The following SKAP2 variants were observed in gnomAD, a reference collection of about 807,000 sequenced individuals.
SKAP2 encodes the protein src kinase associated phosphoprotein 2, also known as src kinase-associated phosphoprotein 2.
SKAP2 carries 28 observed loss-of-function variants against 54.9 expected under a neutral mutation model. That is an observed-to-expected ratio of 0.51 (90% confidence interval 0.38 to 0.70). The LOEUF (loss-of-function observed/expected upper bound fraction) is 0.70. Among genes scored for constraint, SKAP2 ranks in the 30% least tolerant of loss-of-function variants. The pLI, the probability that SKAP2 is intolerant of heterozygous loss-of-function variation, is 0.00. For synonymous variants in SKAP2, 137 were observed against 134.3 expected (o/e 1.02, Z -0.14); for missense variants, 356 against 424.1 (o/e 0.84, Z 1.41).
rs370803269 is a variant in SKAP2 at position 26,725,474 on chromosome 7, T to C, written c.750A>G (p.Leu250=). The change falls in exon 9 of 13, where the codon CTA becomes CTG. Residue 250 remains leucine (L), a synonymous_variant. Transcript: ENST00000345317. ...CATCATCTATTGGTTGACTGCTTGT[T>C]AGTGGATTGCTTATTGGTAGAGGAT... ...VDHPLPISNP[L]TSSQPIDDEI... 6.2e-6 allele frequency: 10 copies of C among 1,612,256 alleles called. No homozygotes were observed. The highest frequency in any genetic ancestry group is 8.5e-6 in the Non-Finnish European group (10 of 1,179,470).
intron 4 of SKAP2, among the ~76,000 whole-genome samples, chr7:26,813,283 A>C (rs539905448): frequency 6.6e-6 from 1 of 152,044 alleles, no homozygotes; most frequent in African/African-American, 2.4e-5. Context: ...TGCTGTGCAA[A>C]CCTCCTTGAT....
intron 4 of SKAP2, among the ~76,000 whole-genome samples, chr7:26,798,215 A>C (rs975316443): frequency 6.6e-6 from 1 of 152,082 alleles, no homozygotes; most frequent in Non-Finnish European, 1.5e-5. Flanking sequence ...CATACAATGA[A>C]GCTCCAATAC....
chr7:26,830,879 T>G (rs1286318141), intron 4 of SKAP2, among the ~76,000 whole-genome samples: 1 of 152,076 alleles, frequency 6.6e-6, no homozygotes, highest in Non-Finnish European at 1.5e-5. Context: ...CTGGGCTTAT[T>G]TATTAACAGG....
chr7:26,660,691 A>G, the SKAP2 span, among the ~76,000 whole-genome samples: 1 of 152,096 alleles, frequency 6.6e-6, no homozygotes, highest in South Asian at 2.1e-4. Flanking sequence ...ATATAAACAC[A>G]TTATAAAAGT....
At chr7:26,804,663 C>T (rs534859369) in intron 4 of SKAP2, among the ~76,000 whole-genome samples, 13 of 150,142 alleles carry the variant, frequency 8.7e-5, no homozygotes, top group Admixed American at 3.3e-4. Flanking sequence ...CACTTGAACC[C>T]GGGAGGCGGA....
intron 11 of SKAP2, 34 bp downstream of exon 11, chr7:26,684,700 CCT>C: frequency 7.5e-7 from 1 of 1,341,824 alleles, no homozygotes; most frequent in African/African-American, 1.4e-5. Context: ...CTTTGTATTC[CCT>C]CTTTACAAAC....
intron 11 of SKAP2, among the ~76,000 whole-genome samples, chr7:26,679,228 A>G (rs560841277): frequency 1.9e-4 from 29 of 152,280 alleles, no homozygotes; most frequent in Non-Finnish European, 2.6e-4. Flanking sequence ...GCCTCCTATA[A>G]GCACCTTTTG....
intron 7 of SKAP2, chr7:26,726,625 C>A (rs915462527): frequency 2.3e-5 from 7 of 300,278 alleles, no homozygotes; most frequent in Non-Finnish European, 1.2e-5. Flanking sequence ...ATGTTCTATG[C>A]AACATGTGTG....
chr7:26,761,617 C>T (rs1782930978), intron 4 of SKAP2, among the ~76,000 whole-genome samples: 1 of 152,100 alleles, frequency 6.6e-6, no homozygotes, highest in Admixed American at 6.6e-5. Context: ...ATATTATAGG[C>T]GAGGCCAGGC....
chr7:26,723,002 G>C (rs182646923), intron 9 of SKAP2, among the ~76,000 whole-genome samples: 1 of 152,222 alleles, frequency 6.6e-6, no homozygotes, highest in African/African-American at 2.4e-5. Context: ...AGATATCAGA[G>C]ATACATAGTT....
In SKAP2 at chr7:26,787,693, C is replaced by T. The variant is rs112729410; in HGVS notation, c.308-47729G>A. On this transcript the variant is annotated intron_variant, in intron 4 of 12. Transcript: ENST00000345317. ...GGTGTTTCATATGGCAGAGCAGGAG[C>T]AAGAGGGAGGGGGAGGTGCCACACA... Among the ~76,000 whole-genome samples the T allele has an allele frequency of 4.8e-4, 73 of 152,058 alleles. 1 individual carries two copies. The highest frequency in any genetic ancestry group is 1.7e-3 in the African/African-American group (72 of 41,488).
intron 9 of SKAP2, among the ~76,000 whole-genome samples, chr7:26,700,312 T>TA (rs1049325235): frequency 6.6e-6 from 1 of 152,168 alleles, no homozygotes; most frequent in African/African-American, 2.4e-5. Flanking sequence ...TTCCAGTAAT[T>TA]AGTGTTTCAT....
chr7:26,844,948 C>G (rs1784893730), intron 3 of SKAP2, among the ~76,000 whole-genome samples: 1 of 151,922 alleles, frequency 6.6e-6, no homozygotes, highest in South Asian at 2.1e-4. Context: ...TCAATTTTTT[C>G]CATATAATCA....
At chr7:26,756,250 C>T (rs1782790229) in intron 4 of SKAP2, among the ~76,000 whole-genome samples, 1 of 152,152 alleles carries the variant, frequency 6.6e-6, no homozygotes, top group Non-Finnish European at 1.5e-5. Flanking sequence ...CATATGTAAA[C>T]ATCTGCCATG....
chr7:26,710,606 G>T (rs1003298663), intron 9 of SKAP2, among the ~76,000 whole-genome samples: 3 of 152,188 alleles, frequency 2.0e-5, no homozygotes, highest in African/African-American at 7.2e-5. Flanking sequence ...TGTTAAAATT[G>T]GAGAAGTGTT....
intron 4 of SKAP2, among the ~76,000 whole-genome samples, chr7:26,800,409 T>C (rs1418477493): frequency 1.3e-5 from 2 of 152,036 alleles, no homozygotes; most frequent in African/African-American, 2.4e-5. Context: ...AGTGCCTATA[T>C]TGAAAAAGAG....
chr7:26,820,131 T>C (rs1784359905), intron 4 of SKAP2, among the ~76,000 whole-genome samples: 1 of 152,152 alleles, frequency 6.6e-6, no homozygotes, highest in Non-Finnish European at 1.5e-5. Context: ...TGTAGTGCAC[T>C]ATGATTGTAC....
chr7:26,725,378 A>C lies in SKAP2; in HGVS notation c.796+50T>G, dbSNP rs759013164. ...CACAAACACACACACACACTCACACACACACACACAGCCCTAAAATCTTTA... is the reference window on the plus strand; with the variant it reads ...CACAAACACACACACACACTCACACCCACACACACAGCCCTAAAATCTTTA... On this transcript the variant is annotated intron_variant, in intron 9 of 12. Transcript: ENST00000345317. 12 of 1,413,542 alleles carry C rather than the reference A, an allele frequency of 8.5e-6. No individual in the cohort carries two copies. In the East Asian group the frequency reaches 2.3e-4, roughly 27 times the overall value. The allele number at this position is 1,413,542 out of a possible 1,614,324, so 87.6% of individuals were successfully genotyped here. A position where few individuals can be genotyped will look rare whatever the true frequency, so the allele number is the denominator to read the frequency against.
rs1786338400 is a variant in SKAP2 at position 26,675,821 on chromosome 7, CCAT to C, written c.988-5632_988-5630del. Among the ~76,000 whole-genome samples the C allele has an allele frequency of 2.0e-5, 3 of 152,190 alleles. No individual in the cohort carries two copies. In the South Asian group the frequency reaches 6.2e-4, roughly 31 times the overall value. ...TCCCACCTGTGGCAGGCTGTTGCCACCATGTTTTCAAATGTACTACATGGGATG... is the reference window on the plus strand; with the variant it reads ...TCCCACCTGTGGCAGGCTGTTGCCACGTTTTCAAATGTACTACATGGGATG... On this transcript the variant is annotated intron_variant, in intron 11 of 12. Coordinates refer to ENST00000345317, the MANE Select transcript of SKAP2 (RefSeq NM_003930.5).
Sources: gnomAD v4.1 joint callset for allele counts (sites outside exome capture counted in the v4.1 genomes callset) on GRCh38, gnomAD v4.1.1 for gene constraint, MANE v1.5 for transcripts, NCBI Gene and HGNC (gene_info 2026-07-23, HGNC 2026-07-21) for gene names.